Variants in PKP2 observed in about 807,000 individuals in gnomAD.
PKP2 encodes plakophilin-2.
Under a neutral mutation model 83.4 loss-of-function variants are expected in PKP2, and 73 were observed. The ratio of observed to expected loss-of-function variants is 0.88; its 90% confidence interval spans 0.72 to 1.06. PKP2 has a LOEUF of 1.06. Ranked by LOEUF, PKP2 falls within the 50% of genes least tolerant of loss-of-function variation. The pLI, the probability that PKP2 is intolerant of heterozygous loss-of-function variation, is 0.00. For missense variants in PKP2, 966 were observed against 1,065.4 expected (o/e 0.91, Z 1.30); for synonymous variants, 409 against 430.4 (o/e 0.95, Z 0.62).
intron 6 of PKP2, among the ~76,000 whole-genome samples, chr12:32,827,588 T>C (rs890083581): frequency 4.6e-5 from 7 of 152,238 alleles, no homozygotes; most frequent in East Asian, 1.9e-4. Context: ...TTAGGCAGAA[T>C]TGATCTTTTT....
chr12:32,844,322 C>T (rs1465126029), intron 5 of PKP2, among the ~76,000 whole-genome samples: 1 of 152,072 alleles, frequency 6.6e-6, no homozygotes, highest in Non-Finnish European at 1.5e-5. Flanking sequence ...TAACCAACTA[C>T]AAACTGGGAA....
rs765195368 is a variant in PKP2 at position 32,878,396 on chromosome 12, T to C, written c.484A>G (p.Thr162Ala). The C allele has an allele frequency of 4.3e-5, 69 of 1,613,748 alleles. No individual in the cohort carries two copies. Among genetic ancestry groups the C allele is most frequent in the Non-Finnish European group, 5.8e-5 (68 of 1,179,958 alleles). Reference protein sequence around the residue: ...PDSSPERAHYTHSDYQYSQRS... With the variant: ...PDSSPERAHYAHSDYQYSQRS... ...TGGCTGTACTGGTAATCGCTGTGCG[T>C]GTAGTGAGCCCTCTCCGGGCTGCTG... The change falls in exon 3 of 13, where the codon ACG becomes GCG. Residue 162 changes from threonine (T) to alanine (A), a missense_variant. Transcript: ENST00000340811.
chr12:32,828,621 T>C (rs191194533), intron 6 of PKP2, among the ~76,000 whole-genome samples: 81 of 152,310 alleles, frequency 5.3e-4, no homozygotes, highest in Non-Finnish European at 6.8e-4. Context: ...TCTAACAGGA[T>C]TGTTACAGGC....
intron 5 of PKP2, among the ~76,000 whole-genome samples, chr12:32,843,904 C>T (rs1207261139): frequency 6.6e-6 from 1 of 152,202 alleles, no homozygotes; most frequent in Non-Finnish European, 1.5e-5. Context: ...ACAAAAGCTT[C>T]TTTAGTCCTA....
intron 9 of PKP2, among the ~76,000 whole-genome samples, chr12:32,803,032 C>T (rs1318743659): frequency 2.6e-5 from 4 of 151,928 alleles, no homozygotes; most frequent in Non-Finnish European, 5.9e-5. Context: ...ATTAAGTTTT[C>T]AAGTCAATTA....
intron 5 of PKP2, among the ~76,000 whole-genome samples, chr12:32,849,361 C>T (rs2137857517): frequency 6.6e-6 from 1 of 152,284 alleles, no homozygotes; most frequent in Non-Finnish European, 1.5e-5. Context: ...AGACTACAGG[C>T]ACACACCACT....
At chr12:32,800,337 T>C (rs1341130657) in intron 10 of PKP2, among the ~76,000 whole-genome samples, 1 of 152,212 alleles carries the variant, frequency 6.6e-6, no homozygotes, top group African/African-American at 2.4e-5. Context: ...ACAGCGTTGA[T>C]CATTATTCCT....
rs918844701 is a variant in PKP2, at chr12:32,791,905, A to C, written c.*519T>G. 4 of 170,404 alleles carry C rather than the reference A, an allele frequency of 2.3e-5. No individual in the cohort carries two copies. The highest frequency in any genetic ancestry group is 2.2e-4 in the Admixed American group (4 of 18,086). The allele number at this position is 170,404 out of a possible 1,614,324, so 10.6% of individuals were successfully genotyped here. A position where few individuals can be genotyped will look rare whatever the true frequency, so the allele number is the denominator to read the frequency against. Reference sequence around the variant, plus strand: ...GATAAAAACAAGCACAAAGTAAAGAAAGAAACCAATAATTTTGCCATTATA... The same window carrying C: ...GATAAAAACAAGCACAAAGTAAAGACAGAAACCAATAATTTTGCCATTATA... On this transcript the variant is annotated 3_prime_UTR_variant, in exon 13 of 13. Coordinates refer to ENST00000340811, the MANE Select transcript of PKP2 (RefSeq NM_001005242.3).
chr12:32,847,934 A>G (rs1182651797), intron 5 of PKP2, among the ~76,000 whole-genome samples: 1 of 152,072 alleles, frequency 6.6e-6, no homozygotes, highest in Non-Finnish European at 1.5e-5. Context: ...CATCCTTTAA[A>G]AAAAACAAAA....
At chr12:32,824,703 T>C (rs1402277545) in intron 6 of PKP2, among the ~76,000 whole-genome samples, 1 of 152,238 alleles carries the variant, frequency 6.6e-6, no homozygotes, top group African/African-American at 2.4e-5. Context: ...ATTTTATCAT[T>C]AAAATGGCAG....
At chr12:32,823,573 G>A (rs751483862) in intron 7 of PKP2, among the ~76,000 whole-genome samples, 7 of 151,636 alleles carry the variant, frequency 4.6e-5, no homozygotes, top group Non-Finnish European at 1.0e-4. Flanking sequence ...ATTGGAGCCT[G>A]GAAAATAGAA....
chr12:32,798,647 T>G (rs1055852959), intron 10 of PKP2, among the ~76,000 whole-genome samples: 9 of 152,084 alleles, frequency 5.9e-5, no homozygotes. Context: ...AACAAAAACA[T>G]TAAGTGGGGA....
chr12:32,828,534 C>T (rs552840978), intron 6 of PKP2, among the ~76,000 whole-genome samples: 3 of 152,116 alleles, frequency 2.0e-5, no homozygotes, highest in Non-Finnish European at 4.4e-5. Context: ...CACAAAATTC[C>T]TGAAATTAGG....
At chr12:32,799,014 A>T (rs1264048756) in intron 10 of PKP2, among the ~76,000 whole-genome samples, 1 of 152,234 alleles carries the variant, frequency 6.6e-6, no homozygotes, top group Non-Finnish European at 1.5e-5. Flanking sequence ...CACAAACTGC[A>T]TTCGACAAAG....
At chr12:32,826,502 C>T (rs1337088354) in intron 6 of PKP2, among the ~76,000 whole-genome samples, 4 of 151,994 alleles carry the variant, frequency 2.6e-5, no homozygotes, top group Non-Finnish European at 5.9e-5. Flanking sequence ...TAAGAATATA[C>T]TAACAATTTA....
chr12:32,846,817 GTCTCAAAGACAAGCCCCT>G (rs1273535249), intron 5 of PKP2, among the ~76,000 whole-genome samples: 1 of 150,470 alleles, frequency 6.6e-6, no homozygotes, highest in African/African-American at 2.5e-5. Flanking sequence ...GATCAGAGGA[GTCTCAAAGACAAGCCCCT>G]TCTCAAAGAC....
At chr12:32,804,399 C>A (rs1344165267) in intron 9 of PKP2, among the ~76,000 whole-genome samples, 1 of 152,086 alleles carries the variant, frequency 6.6e-6, no homozygotes, top group Non-Finnish European at 1.5e-5. Flanking sequence ...ACAGATCATC[C>A]AATCACCTAG....
intron 3 of PKP2, among the ~76,000 whole-genome samples, chr12:32,870,864 A>T (rs1319274149): frequency 6.6e-6 from 1 of 152,122 alleles, no homozygotes; most frequent in Non-Finnish European, 1.5e-5. Flanking sequence ...AACACCCACA[A>T]ATAATTCCAC....
rs2137964404 is a variant in PKP2, at chr12:32,882,356, CAA to C, written c.224-3326_224-3325del. The stretch of plus-strand genomic sequence containing the variant: ...ATGAAAGCAGGCAATTTTAGGAATT[CAA>C]GAAAAACTCTGTAAATCAGCCCCTT... On this transcript the variant is annotated intron_variant, in intron 1 of 12. Coordinates refer to ENST00000340811, the MANE Select transcript of PKP2 (RefSeq NM_001005242.3). Among the ~76,000 whole-genome samples the C allele has an allele frequency of 3.9e-5, 6 of 152,156 alleles. No individual in the cohort carries two copies. The South Asian group carries it at 1.3e-3, about 32-fold the overall frequency.
Sources: gnomAD v4.1 joint callset for allele counts (sites outside exome capture counted in the v4.1 genomes callset) on GRCh38, gnomAD v4.1.1 for gene constraint, MANE v1.5 for transcripts, NCBI Gene and HGNC (gene_info 2026-07-23, HGNC 2026-07-21) for gene names.